BARD1: variants seen among roughly 807,000 people sequenced by gnomAD.
The protein encoded by BARD1 is BRCA1-associated RING domain protein 1.
A neutral mutation model predicts 77.0 loss-of-function variants in BARD1; 73 were observed. That is an observed-to-expected ratio of 0.95 (90% confidence interval 0.79 to 1.15). The LOEUF (loss-of-function observed/expected upper bound fraction) is 1.15. BARD1 is among the 50% of genes most tolerant of loss of function. The pLI, the probability that BARD1 is intolerant of heterozygous loss-of-function variation, is 0.00. For missense variants in BARD1, 993 were observed against 938.8 expected, an observed-to-expected ratio of 1.06 and a Z score of -0.75; for synonymous variants, 384 against 338.0, an observed-to-expected ratio of 1.14 and a Z score of -1.49.
At chr2:214,770,632 C>T (rs1022149481) in intron 4 of BARD1, among the ~76,000 whole-genome samples, 4 of 152,182 alleles carry the variant, frequency 2.6e-5, no homozygotes, top group Admixed American at 2.0e-4. Flanking sequence ...AGACCCCTTC[C>T]AGTTTTGAAC....
At position 214,728,735 on chromosome 2, in the gene BARD1, G is replaced by A. The variant is rs1318628468; in HGVS notation, c.2275C>T (p.Pro759Ser). 1 of 1,614,164 alleles carries A rather than the reference G, an allele frequency of 6.2e-7. No homozygotes were observed. Among genetic ancestry groups the A allele is most frequent in the Non-Finnish European group, 8.5e-7 (1 of 1,180,022 alleles). The change falls in exon 11 of 11, where the codon CCT (proline) becomes TCT (serine). Residue 759 changes from proline (P) to serine (S), a missense_variant. Transcript: ENST00000260947. ...RVRQGKVWKA[P>S]SSWFIDCVMS... Reference sequence around the variant, plus strand: ...ACACAGTCTATAAACCAGCTCGAAGGAGCCTTCCAGACTTTGCCCTGCCGA... The same window carrying A: ...ACACAGTCTATAAACCAGCTCGAAGAAGCCTTCCAGACTTTGCCCTGCCGA...
chr2:214,795,943 A>G (rs904144930), intron 2 of BARD1, among the ~76,000 whole-genome samples: 3 of 152,162 alleles, frequency 2.0e-5, no homozygotes, highest in Non-Finnish European at 2.9e-5. Context: ...CTCGTATAAC[A>G]GATCTGTTTT....
intron 1 of BARD1, among the ~76,000 whole-genome samples, chr2:214,797,339 G>A (rs569050351): frequency 3.3e-5 from 5 of 152,310 alleles, no homozygotes; most frequent in African/African-American, 9.6e-5. Context: ...GGTACAAGTT[G>A]TAATACATTT....
chr2:214,790,481 C>T (rs746996215), intron 3 of BARD1, among the ~76,000 whole-genome samples: 2 of 152,082 alleles, frequency 1.3e-5, no homozygotes, highest in Non-Finnish European at 2.9e-5. Flanking sequence ...ATCTACAAGA[C>T]AAGGAGACTG....
intron 6 of BARD1, among the ~76,000 whole-genome samples, chr2:214,753,570 T>A (rs934790756): frequency 6.6e-6 from 1 of 152,064 alleles, no homozygotes; most frequent in East Asian, 1.9e-4. Context: ...ATCAAATGTA[T>A]AGAAAAAGAT....
chr2:214,765,431 T>C (rs147030546), intron 6 of BARD1, among the ~76,000 whole-genome samples: 213 of 152,138 alleles, frequency 1.4e-3, no homozygotes, highest in African/African-American at 4.5e-3. Flanking sequence ...TCTGAAGAAA[T>C]AGAAATGCAG....
At chr2:214,807,902 A>T (rs1696349834) in intron 1 of BARD1, among the ~76,000 whole-genome samples, 1 of 152,224 alleles carries the variant, frequency 6.6e-6, no homozygotes, top group Non-Finnish European at 1.5e-5. Flanking sequence ...TGCTTCTGTT[A>T]TTGCAACTAG....
At position 214,792,830 on chromosome 2, in the gene BARD1, G is replaced by T. The variant is rs150399582; in HGVS notation, c.216-385C>A. Reference sequence around the variant, plus strand: ...CAAAACTACTGCAGACACTGGGAAAGACCTTCTGTTTTGTTTTGGGACTAG... The same window carrying T: ...CAAAACTACTGCAGACACTGGGAAATACCTTCTGTTTTGTTTTGGGACTAG... On this transcript the variant is annotated intron_variant, in intron 2 of 10. Coordinates refer to ENST00000260947, the MANE Select transcript of BARD1 (RefSeq NM_000465.4). Among the ~76,000 whole-genome samples, 9 of 152,258 alleles carry T rather than the reference G, an allele frequency of 5.9e-5. No individual in the cohort carries two copies. In the East Asian group the frequency reaches 1.7e-3, roughly 29 times the overall value.
chr2:214,793,847 G>T (rs1220620694), intron 2 of BARD1, among the ~76,000 whole-genome samples: 1 of 151,984 alleles, frequency 6.6e-6, no homozygotes. Flanking sequence ...AAATCATGCT[G>T]AGTAACAGAT....
intron 6 of BARD1, among the ~76,000 whole-genome samples, chr2:214,766,619 C>CCT (rs35064339): frequency 0.37 from 56,373 of 151,792 alleles, 10,581 homozygotes; most frequent in Middle Eastern, 0.44. Context: ...TTCCTCAACC[C>CCT]GTGATGTCAA....
intron 9 of BARD1, among the ~76,000 whole-genome samples, chr2:214,738,418 T>C (rs1308170830): frequency 6.6e-6 from 1 of 152,166 alleles, no homozygotes. Flanking sequence ...TGCATAATAA[T>C]GACGCTTATG....
intron 9 of BARD1, among the ~76,000 whole-genome samples, chr2:214,736,988 A>G (rs1172813399): frequency 6.6e-6 from 1 of 152,126 alleles, no homozygotes; most frequent in East Asian, 1.9e-4. Flanking sequence ...TCCTGAAAAG[A>G]AAGGATGTTT....
chr2:214,731,137 G>A lies in BARD1; in HGVS notation c.1904-629C>T, dbSNP rs1266026461. ...GAGATGATTTGATTGGGCTTTGCAG[G>A]AAAAAAAAAAGCATTCTTTTGATGG... is the stretch of plus-strand genomic sequence containing the variant. On this transcript the variant is annotated intron_variant, in intron 9 of 10. Coordinates refer to ENST00000260947, the MANE Select transcript of BARD1 (RefSeq NM_000465.4). 15 of 200,462 alleles carry A rather than the reference G, an allele frequency of 7.5e-5. No individual in the cohort carries two copies. Among genetic ancestry groups the A allele is most frequent in the East Asian group, 1.3e-4 (1 of 7,678 alleles). 12.4% of individuals were successfully genotyped at this position (200,462 alleles called of 1,614,324 possible). A position where few individuals can be genotyped will look rare whatever the true frequency, so the allele number is the denominator to read the frequency against.
intron 1 of BARD1, among the ~76,000 whole-genome samples, chr2:214,808,815 A>G (rs1424623637): frequency 6.6e-6 from 1 of 152,270 alleles, no homozygotes; most frequent in East Asian, 1.9e-4. Context: ...CGGGGACACC[A>G]GACATACAGT....
chr2:214,742,632 T>C (rs776467775), intron 9 of BARD1, among the ~76,000 whole-genome samples: 1 of 152,148 alleles, frequency 6.6e-6, no homozygotes, highest in Non-Finnish European at 1.5e-5. Context: ...ATTAAGTTAG[T>C]CCGAGTCCAT....
chr2:214,740,335 T>A (rs1692763183), intron 9 of BARD1, among the ~76,000 whole-genome samples: 1 of 152,026 alleles, frequency 6.6e-6, no homozygotes, highest in Non-Finnish European at 1.5e-5. Flanking sequence ...CCCTTCCCTA[T>A]CCAATTAATC....
Position 214,728,875 on chromosome 2 carries a change from T to C in BARD1, c.2135A>G (p.Asp712Gly), listed in dbSNP as rs2105987279. 1 of 1,614,168 alleles carries C rather than the reference T, an allele frequency of 6.2e-7. No homozygotes were observed. Among genetic ancestry groups the C allele is most frequent in the Non-Finnish European group, 8.5e-7 (1 of 1,180,034 alleles). Reference sequence around the variant, plus strand: ...GACTGTATTGATGGTCTGAGTCACGTCACTGTCTGGCTTGGGCTTTCTACT... The same window carrying C: ...GACTGTATTGATGGTCTGAGTCACGCCACTGTCTGGCTTGGGCTTTCTACT... ...ILSRKPKPDSDVTQTINTVAY... is the reference protein window; with the variant it reads ...ILSRKPKPDSGVTQTINTVAY... The change falls in exon 11 of 11, where the codon GAC becomes GGC. Residue 712 changes from aspartate (D) to glycine (G), a missense_variant. Coordinates refer to ENST00000260947, the MANE Select transcript of BARD1 (RefSeq NM_000465.4).
chr2:214,771,924 G>GAAAAAAA (rs10602414), intron 4 of BARD1, among the ~76,000 whole-genome samples: 1 of 107,158 alleles, frequency 9.3e-6, no homozygotes, highest in African/African-American at 3.7e-5. Flanking sequence ...CCAGTTTCAG[G>GAAAAAAA]AAAAAAAAAA....
At chr2:214,788,029 A>T (rs1464040128) in intron 3 of BARD1, among the ~76,000 whole-genome samples, 1 of 152,074 alleles carries the variant, frequency 6.6e-6, no homozygotes, top group Non-Finnish European at 1.5e-5. Context: ...TAAGAAAAAC[A>T]ACAGCAACAC....
Sources: gnomAD v4.1 joint callset for allele counts (sites outside exome capture counted in the v4.1 genomes callset) on GRCh38, gnomAD v4.1.1 for gene constraint, MANE v1.5 for transcripts, NCBI Gene and HGNC (gene_info 2026-07-23, HGNC 2026-07-21) for gene names.